The following CSE1L variants were observed in gnomAD, a reference collection of about 807,000 sequenced individuals.
CSE1L encodes the protein exportin-2.
Under a neutral mutation model 120.4 loss-of-function variants are expected in CSE1L, and 24 were observed. The observed-to-expected ratio is 0.20, with a 90% confidence interval of 0.14 to 0.28. The LOEUF (loss-of-function observed/expected upper bound fraction) is 0.28, where lower values mean the gene tolerates loss of function less well. CSE1L is among the 10% of genes least tolerant of loss of function. The pLI, the probability that CSE1L is intolerant of heterozygous loss-of-function variation, is 1.00. For missense variants in CSE1L, 830 were observed against 1,145.2 expected, an observed-to-expected ratio of 0.72 and a Z score of 3.97; for synonymous variants, 402 against 398.3, an observed-to-expected ratio of 1.01 and a Z score of -0.11.
intron 14 of CSE1L, 41 bp downstream of exon 14, chr20:49,078,663 T>A (rs752055467): frequency 1.1e-5 from 15 of 1,365,056 alleles, no homozygotes; most frequent in Non-Finnish European, 1.5e-5. Context: ...TTAATCTCTT[T>A]AAGAGTTTTA....
chr20:49,093,999 C>G (rs1282761276), intron 22 of CSE1L, 141 bp from the exon 23 acceptor site: 1 of 583,830 alleles, frequency 1.7e-6, no homozygotes. Context: ...TTTTGACTTT[C>G]AGTCTCTTCA....
At chr20:49,068,542 C>T (rs758873254) in intron 6 of CSE1L, among the ~76,000 whole-genome samples, 173 bp from the exon 7 acceptor site, 1 of 152,040 alleles carries the variant, frequency 6.6e-6, no homozygotes, top group Non-Finnish European at 1.5e-5. Flanking sequence ...GAGCTTGCAG[C>T]GAGCCGAGAT....
chr20:49,072,354 A>G lies in CSE1L; in HGVS notation c.837A>G (p.Ala279=), dbSNP rs1234506403. 1 of 1,614,078 alleles carries G rather than the reference A, an allele frequency of 6.2e-7. No individual in the cohort carries two copies. The highest frequency in any genetic ancestry group is 8.5e-7 in the Non-Finnish European group (1 of 1,180,040). The change falls in exon 9 of 25, where the codon GCA becomes GCG. Residue 279 remains alanine (A), a synonymous_variant. Transcript: ENST00000262982. Reference sequence around the variant, plus strand: ...TTTGTGATAATGCCGCACTCTATGCACAAAAGTACGATGAAGAATTCCAGC... The same window carrying G: ...TTTGTGATAATGCCGCACTCTATGCGCAAAAGTACGATGAAGAATTCCAGC... The part of the protein sequence containing the change: ...SQICDNAALY[A]QKYDEEFQRY...
Position 49,072,430 on chromosome 20 carries a change from G to C in CSE1L, c.913G>C (p.Gly305Arg). ...CATCTGGAATTTACTAGTTACAACG[G>C]GTCAAGAGGTTAAATATGATTTGGT... is the stretch of plus-strand genomic sequence containing the variant. ...TAIWNLLVTT[G>R]QEVKYDLLVS... is the part of the protein sequence containing the mutation. The change falls in exon 9 of 25, where the codon GGT (glycine) becomes CGT (arginine). Residue 305 changes from glycine to arginine, a missense_variant. By Grantham distance (125) the Gly-to-Arg change is moderately radical. Coordinates refer to ENST00000262982, the MANE Select transcript of CSE1L (RefSeq NM_001316.4). 1 of 1,614,124 alleles carries C rather than the reference G, an allele frequency of 6.2e-7. No homozygotes were observed. The highest frequency in any genetic ancestry group is 8.5e-7 in the Non-Finnish European group (1 of 1,180,024).
intron 1 of CSE1L, among the ~76,000 whole-genome samples, chr20:49,058,048 A>G (rs2091823035): frequency 6.6e-6 from 1 of 152,120 alleles, no homozygotes; most frequent in African/African-American, 2.4e-5. Context: ...CGGGATTTAC[A>G]GGCCTGAGCC....
intron 1 of CSE1L, among the ~76,000 whole-genome samples, chr20:49,057,680 G>A (rs1401215900): frequency 6.6e-6 from 1 of 152,068 alleles, no homozygotes; most frequent in African/African-American, 2.4e-5. Flanking sequence ...CGCCCAGGCT[G>A]CAGTGCTATG....
chr20:49,076,229 C>T (rs1260288992), intron 12 of CSE1L, among the ~76,000 whole-genome samples: 1 of 152,096 alleles, frequency 6.6e-6, no homozygotes, highest in Non-Finnish European at 1.5e-5. Context: ...CTCTTGTTGC[C>T]CAGGCTGGAG....
rs112922188 is a variant in CSE1L at position 49,088,650 on chromosome 20, A to G, written c.1821+544A>G. 1.2e-4 allele frequency among the ~76,000 whole-genome samples: 18 copies of G among 152,254 alleles called. 2 individuals are homozygous for G. The highest frequency in any genetic ancestry group is 4.3e-4 in the African/African-American group (18 of 41,542). On this transcript the variant is annotated intron_variant, in intron 17 of 24. Coordinates refer to ENST00000262982, the MANE Select transcript of CSE1L (RefSeq NM_001316.4). ...GATCTTATGAGAATTAGATCAATTCATAGGAAGTGTTGGAGGGATTTTGGA... is the reference window on the plus strand; with the variant it reads ...GATCTTATGAGAATTAGATCAATTCGTAGGAAGTGTTGGAGGGATTTTGGA...
chr20:49,094,618 C>A, intron 23 of CSE1L, 114 bp from the exon 24 acceptor site: 1 of 701,614 alleles, frequency 1.4e-6, no homozygotes, highest in South Asian at 1.9e-5. Context: ...TTCAAAGGTC[C>A]CCTTTTATTC....
intron 19 of CSE1L, among the ~76,000 whole-genome samples, chr20:49,090,423 G>A (rs766742677): frequency 6.6e-6 from 1 of 152,120 alleles, no homozygotes; most frequent in African/African-American, 2.4e-5. Flanking sequence ...GGGTGTGGTG[G>A]CACGTGCCTG....
intron 1 of CSE1L, among the ~76,000 whole-genome samples, chr20:49,051,334 C>T (rs928900017): frequency 6.6e-6 from 1 of 152,184 alleles, no homozygotes; most frequent in East Asian, 1.9e-4. Context: ...CACCTGAGGT[C>T]AAGAGTTTGA....
At position 49,066,192 on chromosome 20, in the gene CSE1L, G is replaced by A; in HGVS notation, c.229G>A (p.Val77Ile). 1 of 1,613,958 alleles carries A rather than the reference G, an allele frequency of 6.2e-7. No homozygotes were observed. The highest frequency in any genetic ancestry group is 8.5e-7 in the Non-Finnish European group (1 of 1,179,882). The change falls in exon 4 of 25, where the codon GTT becomes ATT. Residue 77 changes from valine to isoleucine, a missense_variant and splice_region_variant. Physicochemically the swap from Val to Ile is conservative, Grantham distance 29. Around this residue, in one of 4 missense-constraint regions of CSE1L, gnomAD observed 543 missense variants for 640.2 expected, o/e 0.85. Transcript: ENST00000262982. ...TCCTCAGTTACTGCTTTGCTTTTAG[G>A]TTGAAGATGAACCAAACAAAATTTG... ...KNYIKRNWRI[V>I]EDEPNKICEA...
chr20:49,051,871 T>C (rs1431409297), intron 1 of CSE1L, among the ~76,000 whole-genome samples: 1 of 152,150 alleles, frequency 6.6e-6, no homozygotes, highest in East Asian at 1.9e-4. Flanking sequence ...CTAATTTTTA[T>C]TTATTGTAGA....
At chr20:49,065,980 C>T (rs1310302787) in intron 3 of CSE1L, among the ~76,000 whole-genome samples, 2 of 152,130 alleles carry the variant, frequency 1.3e-5, no homozygotes, top group African/African-American at 4.8e-5. Flanking sequence ...AGGCAATGTA[C>T]GTTTTTCTGG....
At chr20:49,057,472 T>TA (rs397726127) in intron 1 of CSE1L, among the ~76,000 whole-genome samples, 3 of 150,170 alleles carry the variant, frequency 2.0e-5, no homozygotes, top group African/African-American at 7.3e-5. Flanking sequence ...TTTTTTTTTT[T>TA]AAGACAGGTC....
Position 49,066,185 on chromosome 20 carries a change from CT to C in CSE1L, c.229-3del. 1 of 1,613,286 alleles carries C rather than the reference CT, an allele frequency of 6.2e-7. No individual in the cohort carries two copies. Among genetic ancestry groups the C allele is most frequent in the Non-Finnish European group, 8.5e-7 (1 of 1,179,318 alleles). ...TGTTACTTCCTCAGTTACTGCTTTG[CT>C]TTTAGGTTGAAGATGAACCAAACAA... On this transcript the variant is annotated splice_region_variant and splice_polypyrimidine_tract_variant and intron_variant, in intron 3 of 24. Coordinates refer to ENST00000262982, the MANE Select transcript of CSE1L (RefSeq NM_001316.4).
At chr20:49,075,193 G>T in intron 11 of CSE1L, 125 bp from the exon 12 acceptor site, 2 of 770,642 alleles carry the variant, frequency 2.6e-6, no homozygotes, top group South Asian at 2.0e-5. Flanking sequence ...TTTGTTTTTC[G>T]TTCTTTTTTT....
intron 15 of CSE1L, among the ~76,000 whole-genome samples, chr20:49,084,847 G>A (rs1179980932): frequency 6.6e-6 from 1 of 152,120 alleles, no homozygotes; most frequent in Non-Finnish European, 1.5e-5. Flanking sequence ...TACTCTCAGT[G>A]GCCAATTAAG....
intron 1 of CSE1L, among the ~76,000 whole-genome samples, chr20:49,051,132 T>C (rs186277100): frequency 6.6e-6 from 1 of 152,296 alleles, no homozygotes; most frequent in Non-Finnish European, 1.5e-5. Flanking sequence ...GAAATTAATA[T>C]GCCTGATAAA....
Sources: allele counts gnomAD v4.1 joint callset (sites outside exome capture counted in the v4.1 genomes callset), GRCh38; gene constraint gnomAD v4.1.1; regional missense constraint gnomAD v4.1.1; transcripts MANE v1.5; gene names NCBI Gene and HGNC (gene_info 2026-07-23, HGNC 2026-07-21).